The following MAGI1 variants were observed in gnomAD, a reference collection of about 807,000 sequenced individuals.
MAGI1 encodes membrane-associated guanylate kinase, WW and PDZ domain-containing protein 1.
In MAGI1, 58 loss-of-function variants were observed where a neutral mutation model predicts 139.9. The observed-to-expected ratio is 0.41, with a 90% CI of 0.34 to 0.52. The LOEUF is 0.52. Among genes scored for constraint, MAGI1 ranks in the 20% least tolerant of loss-of-function variants. The probability of loss-of-function intolerance (pLI) is 0.12; values close to 1 mark genes in which losing one functional copy is unlikely to be tolerated. For missense variants in MAGI1, 1,874 were observed against 1,901.6 expected (o/e 0.99, Z 0.27); for synonymous variants, 812 against 737.9 (o/e 1.10, Z -1.63).
chr3:65,737,532 A>G (rs1278165608), intron 1 of MAGI1, among the ~76,000 whole-genome samples: 1 of 152,258 alleles, frequency 6.6e-6, no homozygotes, highest in Admixed American at 6.5e-5. Flanking sequence ...AAATAAGACA[A>G]TAATGTAACA....
chr3:65,389,103 A>G (rs1482093198), intron 14 of MAGI1, among the ~76,000 whole-genome samples: 4 of 151,958 alleles, frequency 2.6e-5, no homozygotes, highest in Admixed American at 2.0e-4. Context: ...TCAGCCTCCC[A>G]AAGTGCTGGG....
intron 1 of MAGI1, among the ~76,000 whole-genome samples, chr3:65,837,761 C>T (rs771317940): frequency 8.5e-5 from 13 of 152,196 alleles, no homozygotes; most frequent in South Asian, 2.1e-4. Flanking sequence ...CTGTTTTGCT[C>T]ATCTCTGGTG....
intron 1 of MAGI1, among the ~76,000 whole-genome samples, chr3:65,716,997 T>G (rs1006207173): frequency 6.6e-6 from 1 of 152,216 alleles, no homozygotes; most frequent in African/African-American, 2.4e-5. Flanking sequence ...TGTGAATATG[T>G]TCCCTTACAT....
chr3:66,030,827 T>G (rs2068549596), intron 1 of MAGI1, among the ~76,000 whole-genome samples: 1 of 152,204 alleles, frequency 6.6e-6, no homozygotes, highest in Non-Finnish European at 1.5e-5. Flanking sequence ...TTCCATTATG[T>G]AATTACTGAG....
chr3:65,610,138 G>A (rs913315427), intron 2 of MAGI1, among the ~76,000 whole-genome samples: 2 of 152,048 alleles, frequency 1.3e-5, no homozygotes, highest in African/African-American at 2.4e-5. Flanking sequence ...CCACTCAACA[G>A]TAAGCTAAGA....
chr3:65,799,406 T>G (rs1257725240), intron 1 of MAGI1, among the ~76,000 whole-genome samples: 2 of 152,308 alleles, frequency 1.3e-5, no homozygotes, highest in East Asian at 3.9e-4. Context: ...AGTTATTTGT[T>G]GCAAGTAGCG....
intron 1 of MAGI1, among the ~76,000 whole-genome samples, chr3:65,982,582 A>G (rs2065643181): frequency 6.6e-6 from 1 of 152,230 alleles, no homozygotes; most frequent in Admixed American, 6.5e-5. Flanking sequence ...ATGCCTACAT[A>G]ATATGCCACG....
chr3:65,915,448 T>C (rs768796571), intron 1 of MAGI1, among the ~76,000 whole-genome samples: 1 of 152,250 alleles, frequency 6.6e-6, no homozygotes, highest in African/African-American at 2.4e-5. Flanking sequence ...TTCCAGCAGA[T>C]GATCTGCACA....
chr3:65,905,946 T>A (rs2061418233), intron 1 of MAGI1, among the ~76,000 whole-genome samples: 1 of 152,228 alleles, frequency 6.6e-6, no homozygotes, highest in Non-Finnish European at 1.5e-5. Flanking sequence ...CAAGTGTTTT[T>A]AAAATACCGA....
intron 1 of MAGI1, among the ~76,000 whole-genome samples, chr3:65,726,646 G>A (rs1346589373): frequency 6.6e-6 from 1 of 152,116 alleles, no homozygotes; most frequent in African/African-American, 2.4e-5. Context: ...CCAAAAGAAA[G>A]CTGTAATTTC....
chr3:65,839,150 A>G (rs979768546), intron 1 of MAGI1, among the ~76,000 whole-genome samples: 1 of 152,184 alleles, frequency 6.6e-6, no homozygotes, highest in African/African-American at 2.4e-5. Context: ...CCACATATAC[A>G]ATGGTGGTCC....
chr3:65,439,327 A>G (rs1390787802), intron 9 of MAGI1, among the ~76,000 whole-genome samples: 5 of 152,144 alleles, frequency 3.3e-5, no homozygotes, highest in Non-Finnish European at 5.9e-5. Flanking sequence ...ATCCCTAGAA[A>G]ATTTCTGCAC....
intron 10 of MAGI1, among the ~76,000 whole-genome samples, chr3:65,434,755 T>C (rs1288342336): frequency 6.6e-6 from 1 of 152,200 alleles, no homozygotes; most frequent in East Asian, 1.9e-4. Flanking sequence ...ACTGGTTTCT[T>C]TGGTATCAGT....
rs946095309 is a variant in MAGI1, at chr3:65,622,486, G to A, written c.314-398C>T. ...TAAAATGTTCTTTGACCAGGGATTC[G>A]AATGGTAGGAATTTACTCTACAGGT... On this transcript the variant is annotated intron_variant, in intron 1 of 22. Transcript: ENST00000402939. 4.6e-5 allele frequency among the ~76,000 whole-genome samples: 7 copies of A among 152,228 alleles called. No individual in the cohort carries two copies. The East Asian group carries it at 1.4e-3, about 29-fold the overall frequency.
intron 1 of MAGI1, among the ~76,000 whole-genome samples, chr3:65,651,947 G>C (rs896797686): frequency 1.3e-5 from 2 of 151,962 alleles, no homozygotes; most frequent in African/African-American, 4.8e-5. Context: ...ATCTAAAAAC[G>C]TATCTTCTCT....
chr3:65,856,505 A>G (rs1356745553), intron 1 of MAGI1, among the ~76,000 whole-genome samples: 1 of 152,146 alleles, frequency 6.6e-6, no homozygotes, highest in African/African-American at 2.4e-5. Context: ...CCAAACTGCA[A>G]TGCTGCCCAA....
intron 2 of MAGI1, among the ~76,000 whole-genome samples, chr3:65,607,911 A>G (rs914163199): frequency 1.3e-5 from 2 of 152,236 alleles, no homozygotes; most frequent in Non-Finnish European, 2.9e-5. Flanking sequence ...AAATGTCAGA[A>G]TAACTTAATG....
chr3:65,809,730 C>A (rs2041100690), intron 1 of MAGI1, among the ~76,000 whole-genome samples: 1 of 152,164 alleles, frequency 6.6e-6, no homozygotes, highest in Non-Finnish European at 1.5e-5. Context: ...CGCCCAGTTA[C>A]CAAAGGAAGG....
chr3:65,569,578 G>A (rs1223892168), intron 2 of MAGI1, among the ~76,000 whole-genome samples: 2 of 152,026 alleles, frequency 1.3e-5, no homozygotes, highest in African/African-American at 4.8e-5. Context: ...GATCCTTTAA[G>A]ATTTAAATGT....
Sources: allele counts gnomAD v4.1 joint callset (sites outside exome capture counted in the v4.1 genomes callset), GRCh38; gene constraint gnomAD v4.1.1; transcripts MANE v1.5; gene names NCBI Gene and HGNC (gene_info 2026-07-23, HGNC 2026-07-21).